The following ENTPD3 variants were observed in gnomAD, a reference collection of about 807,000 sequenced individuals.
The protein encoded by ENTPD3 is CD39 antigen-like 3.
In ENTPD3, 60 loss-of-function variants were observed where a neutral mutation model predicts 51.2. The observed-to-expected ratio is 1.17, with a 90% CI of 0.95 to 1.45. The LOEUF is 1.45. Ranked by LOEUF, ENTPD3 falls within the 40% of genes most tolerant of loss-of-function variation. The pLI, the probability that ENTPD3 is intolerant of heterozygous loss-of-function variation, is 0.00. For missense variants in ENTPD3, 593 were observed against 641.1 expected, an observed-to-expected ratio of 0.93 and a Z score of 0.81; for synonymous variants, 221 against 238.4, an observed-to-expected ratio of 0.93 and a Z score of 0.67.
chr3:40,425,075 C>CTAA (rs1465169959), intron 10 of ENTPD3: 12 of 243,492 alleles, frequency 4.9e-5, no homozygotes, highest in African/African-American at 2.7e-4. Flanking sequence ...TAAAAGTTCC[C>CTAA]TTTTTTTAAT....
chr3:40,397,491 AATGGT>A (rs1200693911), intron 3 of ENTPD3, among the ~76,000 whole-genome samples: 5 of 150,992 alleles, frequency 3.3e-5, no homozygotes, highest in Admixed American at 6.6e-5. Flanking sequence ...CCATGTGTCG[AATGGT>A]ATGATATGAT....
chr3:40,410,384 T>C (rs1052263015), intron 4 of ENTPD3, among the ~76,000 whole-genome samples: 1 of 148,348 alleles, frequency 6.7e-6, no homozygotes, highest in Non-Finnish European at 1.5e-5. Context: ...GAGGTTGTAG[T>C]GAGCCGAGAT....
At chr3:40,403,088 C>T (rs554423959) in intron 4 of ENTPD3, among the ~76,000 whole-genome samples, 1 of 152,182 alleles carries the variant, frequency 6.6e-6, no homozygotes, top group South Asian at 2.1e-4. Flanking sequence ...CGTGAGCTGC[C>T]AAAACATTGT....
intron 10 of ENTPD3, among the ~76,000 whole-genome samples, chr3:40,426,589 G>T (rs1292267556): frequency 6.6e-6 from 1 of 152,066 alleles, no homozygotes; most frequent in Non-Finnish European, 1.5e-5. Context: ...AATCAAGCAG[G>T]TGCCATTTAT....
At position 40,392,113 on chromosome 3, in the gene ENTPD3, A is replaced by G. The variant is rs750285780; in HGVS notation, c.131A>G (p.Gln44Arg). Residue 44 changes from glutamine to arginine, a missense_variant, in exon 3 of 11, where the codon CAG becomes CGG. By Grantham distance (43) the Gln-to-Arg change is conservative. Coordinates refer to ENST00000301825, the MANE Select transcript of ENTPD3 (RefSeq NM_001248.4). ...IVVLVSITVI[Q>R]IHKQEVLPPG... ...GTACTTGTGAGTATCACTGTCATCC[A>G]GATCCACAAGCAAGAGGTCCTCCCT... is the stretch of plus-strand genomic sequence containing the variant. The G allele has an allele frequency of 5.6e-6, 9 of 1,614,220 alleles. No individual in the cohort carries two copies. In the Admixed American group the frequency reaches 1.3e-4, roughly 24 times the overall value.
At chr3:40,388,183 C>T (rs879228962) in intron 2 of ENTPD3, 86 bp downstream of exon 2, 2 of 1,227,358 alleles carry the variant, frequency 1.6e-6, no homozygotes, top group South Asian at 2.4e-5. Context: ...TCATCCATAT[C>T]CCCTGCAAAT....
chr3:40,412,039 C>T (rs1955645752), intron 5 of ENTPD3, 77 bp downstream of exon 5: 8 of 1,369,038 alleles, frequency 5.8e-6, no homozygotes, highest in Non-Finnish European at 6.7e-6. Flanking sequence ...AAGAATGTAA[C>T]TCTATTTCTG....
At chr3:40,417,676 C>A (rs1955778167) in intron 7 of ENTPD3, among the ~76,000 whole-genome samples, 2 of 152,204 alleles carry the variant, frequency 1.3e-5, no homozygotes, top group African/African-American at 4.8e-5. Context: ...ACTCAATCAA[C>A]CCTCCCTATC....
chr3:40,395,356 G>T (rs994190971), intron 3 of ENTPD3, among the ~76,000 whole-genome samples: 3 of 152,214 alleles, frequency 2.0e-5, no homozygotes, highest in African/African-American at 4.8e-5. Context: ...TCCCTGGGCA[G>T]TCTAGAGGGC....
chr3:40,427,413 T>TAGA lies in ENTPD3; in HGVS notation c.1495_1496insAGA (p.Leu499delinsTer). 1 of 1,613,770 alleles carries TAGA rather than the reference T, an allele frequency of 6.2e-7. No homozygotes were observed. ...CCTCGCTTTCTTCACAGCGGCAGCCTTGCTGTGTCTGGCATTTCTTGCATA... is the reference window on the plus strand; with the variant it reads ...CCTCGCTTTCTTCACAGCGGCAGCCTAGATGCTGTGTCTGGCATTTCTTGCATA... On this transcript the variant is annotated stop_gained, in exon 11 of 11. Coordinates refer to ENST00000301825, the MANE Select transcript of ENTPD3 (RefSeq NM_001248.4). LOFTEE classifies it low-confidence loss of function (END_TRUNC).
intron 4 of ENTPD3, among the ~76,000 whole-genome samples, chr3:40,408,149 A>G (rs1955546509): frequency 6.6e-6 from 1 of 152,210 alleles, no homozygotes; most frequent in Non-Finnish European, 1.5e-5. Flanking sequence ...GAATCTTAAA[A>G]AACATCCAAA....
intron 4 of ENTPD3, among the ~76,000 whole-genome samples, chr3:40,409,411 T>C (rs1955577763): frequency 1.3e-5 from 2 of 152,166 alleles, no homozygotes; most frequent in South Asian, 4.2e-4. Context: ...CATTTGTCTG[T>C]TGTAGGAGGT....
In ENTPD3 at chr3:40,400,915, G is replaced by C; in HGVS notation, c.190G>C (p.Gly64Arg). ...TCAGTATGGTATTGTGCTGGATGCC[G>C]GGTCTTCAAGAACCACAGTCTACGT... ...GLKYGIVLDA[G>R]SSRTTVYVYQ... Residue 64 changes from glycine (G) to arginine (R), a missense_variant, in exon 4 of 11, where the codon GGG (glycine) becomes CGG (arginine). Coordinates refer to ENST00000301825, the MANE Select transcript of ENTPD3 (RefSeq NM_001248.4). The C allele has an allele frequency of 6.2e-7, 1 of 1,613,586 alleles. No homozygotes were observed. Among genetic ancestry groups the C allele is most frequent in the Non-Finnish European group, 8.5e-7 (1 of 1,179,848 alleles).
At chr3:40,416,433 A>G (rs1955749980) in intron 7 of ENTPD3, among the ~76,000 whole-genome samples, 1 of 152,130 alleles carries the variant, frequency 6.6e-6, no homozygotes, top group Non-Finnish European at 1.5e-5. Flanking sequence ...GGGTGTAGAC[A>G]AAATAATATT....
At chr3:40,421,025 A>AT (rs1165623479) in intron 7 of ENTPD3, among the ~76,000 whole-genome samples, 8,697 of 142,132 alleles carry the variant, frequency 0.061, 576 homozygotes, top group African/African-American at 0.16. Context: ...ATTAATTTAA[A>AT]TTTTTTTTTT....
At chr3:40,417,941 A>G (rs1264747365) in intron 7 of ENTPD3, among the ~76,000 whole-genome samples, 3 of 152,082 alleles carry the variant, frequency 2.0e-5, no homozygotes, top group African/African-American at 7.2e-5. Flanking sequence ...GGCTGGCCCT[A>G]TGGAATGTGT....
At chr3:40,427,129 T>C (rs1956000573) in intron 10 of ENTPD3, 143 bp from the exon 11 acceptor site, 1 of 675,136 alleles carries the variant, frequency 1.5e-6, no homozygotes, top group African/African-American at 1.8e-5. Flanking sequence ...CAGTGTGGTG[T>C]CTTAACTTGG....
intron 1 of ENTPD3, 107 bp from the exon 2 acceptor site, chr3:40,387,939 T>A: frequency 1.2e-6 from 1 of 863,678 alleles, no homozygotes; most frequent in Non-Finnish European, 1.9e-6. Context: ...GATGAGGTTT[T>A]GATTTGGAGG....
chr3:40,426,008 A>T (rs1955974811), intron 10 of ENTPD3, among the ~76,000 whole-genome samples: 1 of 151,786 alleles, frequency 6.6e-6, no homozygotes. Flanking sequence ...CCACATGATA[A>T]GGGTGTGGTA....
Sources: gnomAD v4.1 joint callset for allele counts (sites outside exome capture counted in the v4.1 genomes callset) on GRCh38, gnomAD v4.1.1 for gene constraint, MANE v1.5 for transcripts, NCBI Gene and HGNC (gene_info 2026-07-23, HGNC 2026-07-21) for gene names.